LYAR: variants seen among roughly 807,000 people sequenced by gnomAD.
LYAR encodes the protein Ly1 antibody reactive, also known as cell growth-regulating nucleolar protein.
A neutral mutation model predicts 45.2 loss-of-function variants in LYAR; 37 were observed. The observed-to-expected ratio is 0.82, with a 90% CI of 0.63 to 1.08. The LOEUF (loss-of-function observed/expected upper bound fraction) is 1.08, where lower values mean the gene tolerates loss of function less well. Among genes scored for constraint, LYAR ranks in the 50% least tolerant of loss-of-function variants. LYAR has a pLI of 0.00. For synonymous variants in LYAR, 176 were observed against 155.1 expected (o/e 1.14, Z -1.00); for missense variants, 493 against 451.0 (o/e 1.09, Z -0.84).
chr4:4,281,343 CT>C (rs1175270285), intron 4 of LYAR, among the ~76,000 whole-genome samples: 1 of 147,280 alleles, frequency 6.8e-6, no homozygotes. Flanking sequence ...TTTTCTTTTT[CT>C]TTTTTTTTGA....
intron 1 of LYAR, among the ~76,000 whole-genome samples, chr4:4,289,408 C>T (rs1266563367): frequency 2.6e-5 from 4 of 152,124 alleles, no homozygotes; most frequent in African/African-American, 9.7e-5. Context: ...CAAATACAGA[C>T]CCCACCTCAT....
At chr4:4,273,745 G>A in intron 7 of LYAR, 76 bp from the exon 8 acceptor site, 1 of 806,776 alleles carries the variant, frequency 1.2e-6, no homozygotes, top group Non-Finnish European at 2.1e-6. Flanking sequence ...GAGACCTTAT[G>A]CGAGCTAGGC....
At chr4:4,287,449 G>A (rs1719661752) in intron 1 of LYAR, among the ~76,000 whole-genome samples, 1 of 152,164 alleles carries the variant, frequency 6.6e-6, no homozygotes, top group Admixed American at 6.5e-5. Context: ...AGTTTACTGA[G>A]CTCTCATCAC....
At position 4,268,571 on chromosome 4, in the gene LYAR, C is replaced by T. The variant is rs1718803756; in HGVS notation, c.964G>A (p.Ala322Thr). ...KGTIKAILKQAPDNEITIKKL... is the reference protein window; with the variant it reads ...KGTIKAILKQTPDNEITIKKL... ...TTGATGGTTATTTCATTGTCTGGGG[C>T]CTGTTTCAGAATTGCTTTAATAGTT... is the stretch of plus-strand genomic sequence containing the variant. The change falls in exon 9 of 10, where the codon GCC becomes ACC. Residue 322 changes from alanine to threonine, a missense_variant. Physicochemically the swap from Ala to Thr is moderately conservative, Grantham distance 58. Transcript: ENST00000343470. The T allele has an allele frequency of 2.5e-6, 4 of 1,612,320 alleles. No individual in the cohort carries two copies. The highest frequency in any genetic ancestry group is 2.2e-5 in the East Asian group (1 of 44,804).
At chr4:4,282,291 C>A (rs921452687) in intron 3 of LYAR, among the ~76,000 whole-genome samples, 1 of 152,050 alleles carries the variant, frequency 6.6e-6, no homozygotes, top group Non-Finnish European at 1.5e-5. Flanking sequence ...TAGAATAAAT[C>A]AAAAACAGAT....
chr4:4,281,324 TTTTC>T (rs1271708944), intron 4 of LYAR, among the ~76,000 whole-genome samples: 1 of 151,966 alleles, frequency 6.6e-6, no homozygotes, highest in Non-Finnish European at 1.5e-5. Context: ...AAAGAACTTT[TTTTC>T]TTTCTTTTCT....
chr4:4,284,319 A>G (rs1329760861), intron 2 of LYAR, among the ~76,000 whole-genome samples: 1 of 152,260 alleles, frequency 6.6e-6, no homozygotes, highest in Non-Finnish European at 1.5e-5. Context: ...ATATACTAAG[A>G]ACACAGCAAG....
chr4:4,287,553 T>A (rs959364847), intron 1 of LYAR, among the ~76,000 whole-genome samples: 1 of 152,172 alleles, frequency 6.6e-6, no homozygotes, highest in African/African-American at 2.4e-5. Flanking sequence ...TGAACACAAC[T>A]GCCCCCAATA....
At chr4:4,284,452 C>T (rs1266562877) in intron 2 of LYAR, among the ~76,000 whole-genome samples, 1 of 152,118 alleles carries the variant, frequency 6.6e-6, no homozygotes. Context: ...TGAGGACATG[C>T]GCCTCAGCTG....
At chr4:4,281,288 G>A (rs781638455) in intron 4 of LYAR, among the ~76,000 whole-genome samples, 49 of 147,814 alleles carry the variant, frequency 3.3e-4, no homozygotes, top group Admixed American at 3.3e-4. Context: ...ATAATGCACC[G>A]CAACTGTTTT....
At chr4:4,268,396 C>A in intron 9 of LYAR, 134 bp downstream of exon 9, 1 of 658,446 alleles carries the variant, frequency 1.5e-6, no homozygotes. Context: ...GGCTTTGGAG[C>A]AGCTTGAAAA....
intron 7 of LYAR, 147 bp downstream of exon 7, chr4:4,274,220 G>A (rs1449200190): frequency 2.2e-6 from 2 of 923,024 alleles, no homozygotes; most frequent in South Asian, 1.7e-5. Context: ...CTGGGCAACA[G>A]AGCAAGACTC....
Position 4,268,552 on chromosome 4 carries a change from G to T in LYAR, c.983C>A (p.Thr328Asn). 1 of 1,611,954 alleles carries T rather than the reference G, an allele frequency of 6.2e-7. No homozygotes were observed. The highest frequency in any genetic ancestry group is 8.5e-7 in the Non-Finnish European group (1 of 1,178,748). ...TACCTTTTTCCTTAGCTTTTTGATG[G>T]TTATTTCATTGTCTGGGGCCTGTTT... ...ILKQAPDNEI[T>N]IKKLRKKVLA... The change falls in exon 9 of 10, where the codon ACC becomes AAC. Residue 328 changes from threonine to asparagine, a missense_variant. Coordinates refer to ENST00000343470, the MANE Select transcript of LYAR (RefSeq NM_017816.3).
chr4:4,282,023 C>T lies in LYAR; in HGVS notation c.123-126G>A, dbSNP rs963191609. On this transcript the variant is annotated intron_variant, in intron 3 of 9. Coordinates refer to ENST00000343470, the MANE Select transcript of LYAR (RefSeq NM_017816.3). The stretch of plus-strand genomic sequence containing the variant: ...TTCACATGTGTCTATCACACAAGCA[C>T]CCCATCTATTTCACTTATTATGTTT... 9.7e-6 allele frequency: 6 copies of T among 617,634 alleles called. No homozygotes were observed. In the Admixed American group the frequency reaches 1.0e-4, roughly 10 times the overall value. The allele number at this position is 617,634 out of a possible 1,614,324, so 38.3% of individuals were successfully genotyped here.
intron 6 of LYAR, among the ~76,000 whole-genome samples, chr4:4,275,998 G>C (rs1719164945): frequency 6.6e-6 from 1 of 152,078 alleles, no homozygotes; most frequent in Non-Finnish European, 1.5e-5. Flanking sequence ...GCCAGGCCTT[G>C]CATTACCTTA....
At chr4:4,286,739 C>A (rs1454777855) in intron 1 of LYAR, among the ~76,000 whole-genome samples, 167 bp from the exon 2 acceptor site, 2 of 151,676 alleles carry the variant, frequency 1.3e-5, no homozygotes, top group African/African-American at 2.4e-5. Flanking sequence ...CTCCGCCTCC[C>A]GGGTTCATGC....
Position 4,273,689 on chromosome 4 carries a change from T to C in LYAR, c.833-20A>G. The C allele has an allele frequency of 6.5e-7, 1 of 1,526,816 alleles. No individual in the cohort carries two copies. Among genetic ancestry groups the C allele is most frequent in the Non-Finnish European group, 9.0e-7 (1 of 1,106,358 alleles). 94.6% of individuals were successfully genotyped at this position (1,526,816 alleles called of 1,614,324 possible). ...TTTCAACTAAGTATTTGGAAAGATT[T>C]TTTTTAAAGAAGATTTTGCATTTAC... On this transcript the variant is annotated intron_variant, in intron 7 of 9. Transcript: ENST00000343470.
chr4:4,284,342 T>C (rs1158146573), intron 2 of LYAR, among the ~76,000 whole-genome samples: 1 of 151,970 alleles, frequency 6.6e-6, no homozygotes, highest in Non-Finnish European at 1.5e-5. Context: ...GAAAACTGAG[T>C]GAAGTTTAGA....
At chr4:4,284,917 C>T (rs915935832) in intron 2 of LYAR, among the ~76,000 whole-genome samples, 2 of 152,092 alleles carry the variant, frequency 1.3e-5, no homozygotes, top group African/African-American at 4.8e-5. Flanking sequence ...AATGATCTAC[C>T]CTTGGTTTGC....
Sources: allele counts gnomAD v4.1 joint callset (sites outside exome capture counted in the v4.1 genomes callset), GRCh38; gene constraint gnomAD v4.1.1; transcripts MANE v1.5; gene names NCBI Gene and HGNC (gene_info 2026-07-23, HGNC 2026-07-21).